The following ASPH variants were observed in gnomAD, a reference collection of about 807,000 sequenced individuals.
ASPH encodes aspartyl/asparaginyl beta-hydroxylase.
A neutral mutation model predicts 118.4 loss-of-function variants in ASPH; 100 were observed. That is an observed-to-expected ratio of 0.84 (90% CI 0.72 to 1.00). The LOEUF (loss-of-function observed/expected upper bound fraction) is 1.00. Ranked by LOEUF, ASPH falls within the 50% of genes least tolerant of loss-of-function variation. The pLI, the probability that ASPH is intolerant of heterozygous loss-of-function variation, is 0.00. For synonymous variants in ASPH, 315 were observed against 325.6 expected (o/e 0.97, Z 0.35); for missense variants, 920 against 919.5 (o/e 1.00, Z -0.01).
chr8:61,678,921 GA>G (rs1826596926), intron 3 of ASPH, among the ~76,000 whole-genome samples: 1 of 152,018 alleles, frequency 6.6e-6, no homozygotes, highest in Non-Finnish European at 1.5e-5. Context: ...TGACCTCAAA[GA>G]ACCCATTAAA....
At chr8:61,556,511 A>G (rs1197997876) in intron 18 of ASPH, among the ~76,000 whole-genome samples, 1 of 152,238 alleles carries the variant, frequency 6.6e-6, no homozygotes, top group East Asian at 1.9e-4. Flanking sequence ...CATTCATTCA[A>G]CAGAAAACTT....
chr8:61,559,977 C>A (rs892689651), intron 18 of ASPH, among the ~76,000 whole-genome samples: 1 of 152,080 alleles, frequency 6.6e-6, no homozygotes, highest in Non-Finnish European at 1.5e-5. Context: ...ATAAACCTGT[C>A]CCTGCTCAGG....
At chr8:61,523,961 G>A (rs766528792) in intron 22 of ASPH, among the ~76,000 whole-genome samples, 1 of 152,136 alleles carries the variant, frequency 6.6e-6, no homozygotes, top group African/African-American at 2.4e-5. Context: ...GTATGTAGAC[G>A]CACACATGTA....
rs1376101377 is a variant in ASPH at position 61,556,041 on chromosome 8, C to G, written c.1438-19G>C. On this transcript the variant is annotated intron_variant, in intron 18 of 24. Transcript: ENST00000379454. ...TCAGCACCTAAACTCAAAGAAAACA[C>G]AGAACATAACTCAAAGAAAACATAG... The G allele has an allele frequency of 1.9e-6, 3 of 1,604,112 alleles. No homozygotes were observed. The highest frequency in any genetic ancestry group is 2.7e-5 in the African/African-American group (2 of 74,710).
At chr8:61,684,502 G>A (rs536085345) in intron 1 of ASPH, 92 of 207,164 alleles carry the variant, frequency 4.4e-4, no homozygotes, top group Non-Finnish European at 8.1e-4. Context: ...CAAAGGCAGA[G>A]CACATAAACA....
intron 24 of ASPH, among the ~76,000 whole-genome samples, chr8:61,507,363 C>T (rs1175084071): frequency 1.3e-5 from 2 of 152,166 alleles, no homozygotes; most frequent in Non-Finnish European, 2.9e-5. Context: ...GGTCATAAAA[C>T]TCTATGGGGA....
At chr8:61,580,156 T>A (rs1214019517) in intron 15 of ASPH, among the ~76,000 whole-genome samples, 1 of 152,140 alleles carries the variant, frequency 6.6e-6, no homozygotes, top group African/African-American at 2.4e-5. Flanking sequence ...TGGGCTGGTC[T>A]TAGGTATCTG....
chr8:61,514,373 G>A (rs1317459029), intron 24 of ASPH, among the ~76,000 whole-genome samples: 2 of 151,600 alleles, frequency 1.3e-5, no homozygotes, highest in Non-Finnish European at 2.9e-5. Flanking sequence ...GTGCAGTGGT[G>A]TAATCACAGC....
At chr8:61,548,645 A>C (rs1336249626) in intron 20 of ASPH, among the ~76,000 whole-genome samples, 2 of 152,230 alleles carry the variant, frequency 1.3e-5, no homozygotes, top group Non-Finnish European at 2.9e-5. Flanking sequence ...TGCTAAAATA[A>C]AAGCAGCTTC....
intron 3 of ASPH, among the ~76,000 whole-genome samples, chr8:61,673,709 G>A (rs374244282): frequency 2.0e-5 from 3 of 152,138 alleles, no homozygotes; most frequent in Admixed American, 2.0e-4. Context: ...AAGAATTTTA[G>A]CAATACATAA....
Position 61,646,790 on chromosome 8 carries a change from A to T in ASPH, c.579T>A (p.Asp193Glu). 6.2e-7 allele frequency: 1 copy of T among 1,614,016 alleles called. No homozygotes were observed. Residue 193 changes from aspartate to glutamate, a missense_variant, in exon 6 of 25, where the codon GAT (aspartate) becomes GAA (glutamate). Asp to Glu is a conservative substitution (Grantham distance 45, BLOSUM62 2). Coordinates refer to ENST00000379454, the MANE Select transcript of ASPH (RefSeq NM_004318.4). ...DDEFLMATDVDDRFETLEPEV... is the reference protein window; with the variant it reads ...DDEFLMATDVEDRFETLEPEV... ...CAGGTTCCAGGGTCTCAAATCTATC[A>T]TCTACATCAGTCGCCATAAGAAACT...
At chr8:61,540,128 T>C (rs1470271610) in intron 21 of ASPH, among the ~76,000 whole-genome samples, 1 of 152,072 alleles carries the variant, frequency 6.6e-6, no homozygotes, top group African/African-American at 2.4e-5. Flanking sequence ...ATGTTTTCCT[T>C]GAGTTGAATA....
At chr8:61,689,577 T>C in intron 1 of ASPH, 2 of 1,283,772 alleles carry the variant, frequency 1.6e-6, no homozygotes, top group Non-Finnish European at 2.2e-6. Context: ...TCAAAGCACT[T>C]AGCCAAAAAT....
intron 1 of ASPH, among the ~76,000 whole-genome samples, chr8:61,693,101 G>T (rs773685096): frequency 2.6e-5 from 4 of 152,018 alleles, no homozygotes; most frequent in Non-Finnish European, 4.4e-5. Flanking sequence ...CCCACCCCAT[G>T]CTCAGGGAAG....
chr8:61,557,490 G>T (rs1329213891), intron 18 of ASPH, among the ~76,000 whole-genome samples: 1 of 152,158 alleles, frequency 6.6e-6, no homozygotes, highest in Non-Finnish European at 1.5e-5. Context: ...CCTCCGTGAA[G>T]CCTACCCCTG....
intron 21 of ASPH, among the ~76,000 whole-genome samples, chr8:61,528,493 T>C (rs1319098249): frequency 6.6e-6 from 1 of 152,254 alleles, no homozygotes; most frequent in Non-Finnish European, 1.5e-5. Flanking sequence ...AATGAGGTTA[T>C]TGGTGCCTTA....
At chr8:61,578,514 A>G in intron 15 of ASPH, 18 of 1,587,214 alleles carry the variant, frequency 1.1e-5, no homozygotes, top group Non-Finnish European at 1.6e-5. Flanking sequence ...CAAGACCCTC[A>G]ACAACAAGTT....
chr8:61,713,127 C>T (rs1360037627), intron 1 of ASPH, among the ~76,000 whole-genome samples: 2 of 152,254 alleles, frequency 1.3e-5, no homozygotes, highest in African/African-American at 4.8e-5. Flanking sequence ...ACTGTGTCTA[C>T]ATCTTTACTT....
At chr8:61,617,409 C>T (rs1849410681) in intron 14 of ASPH, among the ~76,000 whole-genome samples, 1 of 152,146 alleles carries the variant, frequency 6.6e-6, no homozygotes, top group African/African-American at 2.4e-5. Flanking sequence ...TGATTTGCCC[C>T]TTCTTGCCTT....
Sources: gnomAD v4.1 joint callset for allele counts (sites outside exome capture counted in the v4.1 genomes callset) on GRCh38, gnomAD v4.1.1 for gene constraint, MANE v1.5 for transcripts, NCBI Gene and HGNC (gene_info 2026-07-23, HGNC 2026-07-21) for gene names.